PAX3: variants seen among roughly 807,000 people sequenced by gnomAD.
PAX3 encodes paired box 3.
Under a neutral mutation model 51.6 loss-of-function variants are expected in PAX3, and 14 were observed. That is an observed-to-expected ratio of 0.27 (90% CI 0.18 to 0.42). The LOEUF is 0.42. Ranked by LOEUF, PAX3 falls within the 10% of genes least tolerant of loss-of-function variation. PAX3 has a pLI of 1.00. For synonymous variants in PAX3, 280 were observed against 253.4 expected (o/e 1.11, Z -1.00); for missense variants, 540 against 642.8 (o/e 0.84, Z 1.73).
rs1045148879 is a variant in PAX3 at position 222,223,764 on chromosome 2, T to C, written c.793-2377A>G. The stretch of plus-strand genomic sequence containing the variant: ...GACTTCCAAAAGTTTTGATGTAACT[T>C]CACTCATGAAGATTTACTATGCTCA... On this transcript the variant is annotated intron_variant, in intron 5 of 8. Transcript: ENST00000392070. 5.3e-5 allele frequency among the ~76,000 whole-genome samples: 8 copies of C among 152,232 alleles called. No individual in the cohort carries two copies. The East Asian group carries it at 1.5e-3, about 29-fold the overall frequency.
intron 4 of PAX3, among the ~76,000 whole-genome samples, chr2:222,272,833 T>G (rs1160706469): frequency 6.6e-6 from 1 of 152,208 alleles, no homozygotes. Flanking sequence ...AGAAGCAGAT[T>G]GTTGGAATGG....
rs367576138 is a variant in PAX3 at position 222,295,640 on chromosome 2, G to A, written c.339C>T (p.Asp113=). The change falls in exon 3 of 9, where the codon GAC becomes GAT. Residue 113 remains aspartate (D), a synonymous_variant. Coordinates refer to ENST00000392070, the MANE Select transcript of PAX3 (RefSeq NM_181458.4). The part of the protein sequence containing the change: ...GSKPKQVTTP[D]VEKKIEEYKR... ...TGTATTCCTCAATTTTCTTCTCCAC[G>A]TCAGGCGTTGTCACCTGCTTTAAGA... The A allele has an allele frequency of 3.1e-6, 5 of 1,614,114 alleles. No individual in the cohort carries two copies. The highest frequency in any genetic ancestry group is 1.1e-5 in the South Asian group (1 of 91,086).
intron 4 of PAX3, among the ~76,000 whole-genome samples, chr2:222,240,272 G>A (rs1179596365): frequency 6.6e-6 from 1 of 152,114 alleles, no homozygotes; most frequent in South Asian, 2.1e-4. Context: ...TTAAGATAAG[G>A]GCTGACAAGC....
intron 3 of PAX3, 116 bp from the exon 4 acceptor site, chr2:222,294,417 G>T (rs753788654): frequency 4.5e-5 from 50 of 1,121,960 alleles, no homozygotes; most frequent in South Asian, 4.4e-4. Flanking sequence ...CCGCTGCCCT[G>T]CACTGCTCGC....
chr2:222,280,110 C>T (rs1694584952), intron 4 of PAX3, among the ~76,000 whole-genome samples: 1 of 151,938 alleles, frequency 6.6e-6, no homozygotes, highest in African/African-American at 2.4e-5. Flanking sequence ...ACTCAGGAGG[C>T]TGAGACAGGA....
Position 222,258,195 on chromosome 2 carries a change from G to A in PAX3, c.587-25912C>T, listed in dbSNP as rs1693717498. Among the ~76,000 whole-genome samples the A allele has an allele frequency of 2.0e-5, 3 of 152,266 alleles. No homozygotes were observed. The South Asian group carries it at 6.2e-4, about 32-fold the overall frequency. ...AGCTTTTTCAGAGGGAACTATAGTG[G>A]TGGAAAAAACAATATATTTGTCTGC... is the stretch of plus-strand genomic sequence containing the variant. On this transcript the variant is annotated intron_variant, in intron 4 of 8. Coordinates refer to ENST00000392070, the MANE Select transcript of PAX3 (RefSeq NM_181458.4).
chr2:222,246,491 G>GC (rs1426871116), intron 4 of PAX3, among the ~76,000 whole-genome samples: 12 of 152,000 alleles, frequency 7.9e-5, no homozygotes, highest in African/African-American at 2.4e-4. Context: ...TAAAATTTGA[G>GC]CAATGTCTAA....
At chr2:222,208,666 C>T (rs989781308) in intron 7 of PAX3, among the ~76,000 whole-genome samples, 11 of 152,150 alleles carry the variant, frequency 7.2e-5, no homozygotes, top group African/African-American at 2.2e-4. Context: ...CTCTAAAGCG[C>T]GTGTGCTCAA....
intron 5 of PAX3, among the ~76,000 whole-genome samples, chr2:222,229,271 TATA>T (rs542147984): frequency 1.7e-3 from 259 of 149,892 alleles, no homozygotes; most frequent in Middle Eastern, 3.6e-3. Flanking sequence ...GTTATGTTAA[TATA>T]ATATTTATAT....
intron 4 of PAX3, among the ~76,000 whole-genome samples, chr2:222,274,078 A>C (rs1253464668): frequency 6.6e-6 from 1 of 152,202 alleles, no homozygotes; most frequent in Admixed American, 6.5e-5. Flanking sequence ...AGAATCCTTA[A>C]TATGCTCTCT....
At chr2:222,201,746 A>G (rs1170419427) in intron 8 of PAX3, 198 bp downstream of exon 8, 10 of 1,471,444 alleles carry the variant, frequency 6.8e-6, no homozygotes, top group Non-Finnish European at 1.8e-6. Context: ...AATAACCGCA[A>G]GATGTTGTTG....
chr2:222,256,452 C>A, intron 4 of PAX3, among the ~76,000 whole-genome samples: 1 of 151,942 alleles, frequency 6.6e-6, no homozygotes, highest in East Asian at 1.9e-4. Flanking sequence ...CTGAGGCAGG[C>A]ACTTCCTGAT....
At chr2:222,268,022 A>C (rs773032698) in intron 4 of PAX3, among the ~76,000 whole-genome samples, 1 of 152,236 alleles carries the variant, frequency 6.6e-6, no homozygotes, top group South Asian at 2.1e-4. Flanking sequence ...TTATATTAAT[A>C]GCTACATTCT....
chr2:222,218,448 C>T (rs1692053255), intron 7 of PAX3, among the ~76,000 whole-genome samples: 1 of 152,120 alleles, frequency 6.6e-6, no homozygotes. Flanking sequence ...CTAAGAAATG[C>T]CAATGGAATC....
rs1219628140 is a variant in PAX3, at chr2:222,298,554, G to A, written c.62C>T (p.Pro21Leu). ...ACCTTCCAGCGGGAACCCGCTACGCGGGTAGTTCTGCCCCGGGCCCGGCCG... is the reference window on the plus strand; with the variant it reads ...ACCTTCCAGCGGGAACCCGCTACGCAGGTAGTTCTGCCCCGGGCCCGGCCG... ...MMRPGPGQNY[P>L]RSGFPLEVST... is the part of the protein sequence containing the mutation. The change falls in exon 1 of 9, where the codon CCG becomes CTG. Residue 21 changes from proline (P) to leucine (L), a missense_variant. Pro to Leu is a moderately conservative substitution (Grantham distance 98, BLOSUM62 -3). Coordinates refer to ENST00000392070, the MANE Select transcript of PAX3 (RefSeq NM_181458.4). 6.2e-7 allele frequency: 1 copy of A among 1,606,566 alleles called. No individual in the cohort carries two copies. The highest frequency in any genetic ancestry group is 8.5e-7 in the Non-Finnish European group (1 of 1,177,104).
chr2:222,267,197 A>T (rs981115936), intron 4 of PAX3, among the ~76,000 whole-genome samples: 8 of 152,196 alleles, frequency 5.3e-5, no homozygotes, highest in Non-Finnish European at 8.8e-5. Context: ...CACATTTTTG[A>T]GTTGCATGGA....
Position 222,245,713 on chromosome 2 carries a change from T to C in PAX3, c.587-13430A>G, listed in dbSNP as rs77186163. On this transcript the variant is annotated intron_variant, in intron 4 of 8. Transcript: ENST00000392070. ...GGCCAGGCACTGTGGCTCACACCTG[T>C]AAACCCAGCACTTTGGGAGGCCAAG... is the stretch of plus-strand genomic sequence containing the variant. 3.5e-3 allele frequency among the ~76,000 whole-genome samples: 522 copies of C among 151,012 alleles called. 2 individuals are homozygous for C. Among genetic ancestry groups the C allele is most frequent in the African/African-American group, 0.012 (506 of 41,074 alleles).
intron 4 of PAX3, among the ~76,000 whole-genome samples, chr2:222,254,418 A>G (rs1693559192): frequency 6.6e-6 from 1 of 151,904 alleles, no homozygotes; most frequent in Non-Finnish European, 1.5e-5. Context: ...TGCATCACAC[A>G]TATAAGGTTA....
chr2:222,221,239 G>T lies in PAX3; in HGVS notation c.941C>A (p.Pro314His). The T allele has an allele frequency of 1.2e-6, 2 of 1,613,942 alleles. No individual in the cohort carries two copies. The highest frequency in any genetic ancestry group is 1.7e-6 in the Non-Finnish European group (2 of 1,179,892). Residue 314 changes from proline (P) to histidine (H), a missense_variant, in exon 6 of 9, where the codon CCC (proline) becomes CAC (histidine). Physicochemically the swap from Pro to His is moderately conservative, Grantham distance 77. Transcript: ENST00000392070. ...CTCGGTACCTTGTGGAATAGATGTG[G>T]GCTGGTAAGAGGTCTCCGACAGCTG... ...TYQLSETSYQ[P>H]TSIPQAVSDP...
Sources: gnomAD v4.1 joint callset for allele counts (sites outside exome capture counted in the v4.1 genomes callset) on GRCh38, gnomAD v4.1.1 for gene constraint, MANE v1.5 for transcripts, NCBI Gene and HGNC (gene_info 2026-07-23, HGNC 2026-07-21) for gene names.